Variants in HS6ST3 observed in about 807,000 individuals in gnomAD.
HS6ST3 encodes the protein heparan-sulfate 6-O-sulfotransferase 3.
HS6ST3 carries 12 observed loss-of-function variants against 36.7 expected under a neutral mutation model. The ratio of observed to expected loss-of-function variants is 0.33; its 90% CI spans 0.21 to 0.53. The LOEUF is 0.53. Among genes scored for constraint, HS6ST3 ranks in the 20% least tolerant of loss-of-function variants. The probability of loss-of-function intolerance (pLI) is 0.95; values close to 1 mark genes in which losing one functional copy is unlikely to be tolerated. For missense variants in HS6ST3, 584 were observed against 640.9 expected, an observed-to-expected ratio of 0.91 and a Z score of 0.96; for synonymous variants, 240 against 257.5, an observed-to-expected ratio of 0.93 and a Z score of 0.65.
In HS6ST3 at chr13:96,417,709, C is replaced by T. The variant is rs985860622; in HGVS notation, c.707+326140C>T. On this transcript the variant is annotated intron_variant, in intron 1 of 1. Coordinates refer to ENST00000376705, the MANE Select transcript of HS6ST3 (RefSeq NM_153456.4). ...ACATATACCTATATATTTATATGTA[C>T]GTATCTGTATATATAGCTTATTTCA... Among the ~76,000 whole-genome samples the T allele has an allele frequency of 1.2e-4, 12 of 97,824 alleles. No homozygotes were observed. The South Asian group carries it at 1.7e-3, about 14-fold the overall frequency. 64.2% of individuals were successfully genotyped at this position (97,824 alleles called of 152,430 possible).
intron 1 of HS6ST3, among the ~76,000 whole-genome samples, chr13:96,751,199 A>C (rs986491806): frequency 2.0e-5 from 3 of 152,248 alleles, no homozygotes; most frequent in East Asian, 3.9e-4. Flanking sequence ...TGTAACTATG[A>C]CCTTATTTGG....
At chr13:96,643,593 A>C (rs930778197) in intron 1 of HS6ST3, among the ~76,000 whole-genome samples, 8 of 151,826 alleles carry the variant, frequency 5.3e-5, no homozygotes, top group African/African-American at 1.9e-4. Context: ...GGCTTTTTAA[A>C]GCCTTTTTGT....
intron 1 of HS6ST3, among the ~76,000 whole-genome samples, chr13:96,364,545 A>T (rs1265528401): frequency 6.6e-6 from 1 of 152,182 alleles, no homozygotes; most frequent in Non-Finnish European, 1.5e-5. Flanking sequence ...ATTATGAGGT[A>T]CTTAGAGTAG....
At chr13:96,246,485 G>A (rs1190216128) in intron 1 of HS6ST3, among the ~76,000 whole-genome samples, 1 of 152,200 alleles carries the variant, frequency 6.6e-6, no homozygotes, top group Non-Finnish European at 1.5e-5. Flanking sequence ...GGACAGTCCT[G>A]TAGAATCAGG....
At chr13:96,349,247 T>C (rs745739456) in intron 1 of HS6ST3, among the ~76,000 whole-genome samples, 1 of 152,238 alleles carries the variant, frequency 6.6e-6, no homozygotes, top group East Asian at 1.9e-4. Flanking sequence ...AACAACTTGT[T>C]CTGAAGTTTT....
At chr13:96,470,780 A>G (rs1278630733) in intron 1 of HS6ST3, among the ~76,000 whole-genome samples, 2 of 151,930 alleles carry the variant, frequency 1.3e-5, no homozygotes, top group East Asian at 3.9e-4. Context: ...TTTCTCAGAC[A>G]TTTTCCTGCC....
At chr13:96,599,223 C>A (rs2056412807) in intron 1 of HS6ST3, among the ~76,000 whole-genome samples, 1 of 151,928 alleles carries the variant, frequency 6.6e-6, no homozygotes, top group East Asian at 1.9e-4. Context: ...TGTATCAATT[C>A]TTCTTTGAAT....
chr13:96,628,204 C>G (rs1322121275), intron 1 of HS6ST3, among the ~76,000 whole-genome samples: 2 of 151,840 alleles, frequency 1.3e-5, no homozygotes, highest in African/African-American at 4.8e-5. Context: ...TTTTAATATG[C>G]AGTATTTTAA....
At chr13:96,498,124 G>A (rs992862115) in intron 1 of HS6ST3, among the ~76,000 whole-genome samples, 5 of 152,160 alleles carry the variant, frequency 3.3e-5, no homozygotes, top group African/African-American at 1.2e-4. Context: ...CCTCGGACAA[G>A]GTCTGTTGGG....
intron 1 of HS6ST3, among the ~76,000 whole-genome samples, chr13:96,706,471 G>A (rs1031322501): frequency 2.0e-4 from 29 of 142,788 alleles, no homozygotes; most frequent in African/African-American, 7.0e-4. Flanking sequence ...GGTTTAAGAT[G>A]AATAAGTGAT....
At chr13:96,485,946 G>A (rs2055912053) in intron 1 of HS6ST3, among the ~76,000 whole-genome samples, 1 of 151,908 alleles carries the variant, frequency 6.6e-6, no homozygotes, top group Non-Finnish European at 1.5e-5. Context: ...CATGTGCCAT[G>A]TTGGTGTGCT....
chr13:96,805,625 A>G (rs1044712345), intron 1 of HS6ST3, among the ~76,000 whole-genome samples: 2 of 152,190 alleles, frequency 1.3e-5, no homozygotes, highest in Non-Finnish European at 2.9e-5. Context: ...ATGATATCCC[A>G]TCTTAAACCC....
At chr13:96,588,339 C>T (rs1425485545) in intron 1 of HS6ST3, among the ~76,000 whole-genome samples, 2 of 151,962 alleles carry the variant, frequency 1.3e-5, no homozygotes, top group Admixed American at 6.6e-5. Context: ...TCAAAGTGTT[C>T]CTATTGAGTA....
chr13:96,239,955 T>A (rs2054552444), intron 1 of HS6ST3, among the ~76,000 whole-genome samples: 1 of 152,158 alleles, frequency 6.6e-6, no homozygotes, highest in African/African-American at 2.4e-5. Flanking sequence ...TGGTTAGATC[T>A]CTATGTTTAG....
chr13:96,597,218 C>A (rs970618636), intron 1 of HS6ST3, among the ~76,000 whole-genome samples: 46 of 151,866 alleles, frequency 3.0e-4, no homozygotes, highest in African/African-American at 1.1e-3. Flanking sequence ...GGGAGAAGAT[C>A]ATGAAAAATA....
chr13:96,695,747 C>G (rs746893923), intron 1 of HS6ST3, among the ~76,000 whole-genome samples: 1 of 151,852 alleles, frequency 6.6e-6, no homozygotes, highest in Non-Finnish European at 1.5e-5. Context: ...AGTATGTACC[C>G]TTTGATATAG....
intron 1 of HS6ST3, among the ~76,000 whole-genome samples, chr13:96,137,694 G>A (rs1400051138): frequency 6.6e-6 from 1 of 152,176 alleles, no homozygotes; most frequent in African/African-American, 2.4e-5. Flanking sequence ...GCCTCCCAAA[G>A]TACTGGGATT....
intron 1 of HS6ST3, among the ~76,000 whole-genome samples, chr13:96,495,920 C>G (rs888775588): frequency 6.6e-6 from 1 of 152,226 alleles, no homozygotes; most frequent in Non-Finnish European, 1.5e-5. Flanking sequence ...CAGCATAAGG[C>G]CCCCACGCAA....
chr13:96,429,298 C>T (rs551740636), intron 1 of HS6ST3, among the ~76,000 whole-genome samples: 1 of 152,220 alleles, frequency 6.6e-6, no homozygotes, highest in South Asian at 2.1e-4. Flanking sequence ...GAAAGGTTAC[C>T]TATAGAAGCA....
Sources: allele counts gnomAD v4.1 joint callset (sites outside exome capture counted in the v4.1 genomes callset), GRCh38; gene constraint gnomAD v4.1.1; transcripts MANE v1.5; gene names NCBI Gene and HGNC (gene_info 2026-07-23, HGNC 2026-07-21).